AP5M1: variants seen among roughly 807,000 people sequenced by gnomAD.
The protein encoded by AP5M1 is adaptor related protein complex 5 subunit mu 1.
Under a neutral mutation model 52.3 loss-of-function variants are expected in AP5M1, and 44 were observed. The ratio of observed to expected loss-of-function variants is 0.84; its 90% confidence interval spans 0.66 to 1.08. The LOEUF (loss-of-function observed/expected upper bound fraction) is 1.08. AP5M1 is among the 50% of genes least tolerant of loss of function. The pLI, the probability that AP5M1 is intolerant of heterozygous loss-of-function variation, is 0.00. For missense variants in AP5M1, 526 were observed against 568.4 expected (o/e 0.93, Z 0.76); for synonymous variants, 213 against 199.0 (o/e 1.07, Z -0.59).
At chr14:57,273,010 C>T (rs1013619826) in intron 1 of AP5M1, among the ~76,000 whole-genome samples, 11 of 151,970 alleles carry the variant, frequency 7.2e-5, no homozygotes, top group East Asian at 5.8e-4. Flanking sequence ...CGGCTCGGCT[C>T]GGCTCATTGC....
chr14:57,276,879 A>G (rs993238806), intron 2 of AP5M1, among the ~76,000 whole-genome samples: 14 of 152,222 alleles, frequency 9.2e-5, no homozygotes, highest in African/African-American at 2.9e-4. Context: ...GGTTGTATGT[A>G]CATAGTATAA....
At position 57,274,213 on chromosome 14, in the gene AP5M1, C is replaced by T. The variant is rs775830480; in HGVS notation, c.75-31C>T. On this transcript the variant is annotated intron_variant, in intron 1 of 7. Transcript: ENST00000261558. ...TCATCTTGATTTTACTTGGAAGAAT[C>T]ATTTATAATGTTTCTGTTTCCGTAA... The T allele has an allele frequency of 3.9e-6, 6 of 1,531,624 alleles. No individual in the cohort carries two copies. In the South Asian group the frequency reaches 7.9e-5, roughly 20 times the overall value. 94.9% of individuals were successfully genotyped at this position (1,531,624 alleles called of 1,614,324 possible).
chr14:57,283,957 A>G (rs771047400), intron 6 of AP5M1, among the ~76,000 whole-genome samples: 4 of 152,246 alleles, frequency 2.6e-5, no homozygotes, highest in Non-Finnish European at 5.9e-5. Context: ...ACTGCATTCC[A>G]GCCTGGGCGA....
At chr14:57,277,932 A>C (rs1163480315) in intron 2 of AP5M1, among the ~76,000 whole-genome samples, 1 of 152,136 alleles carries the variant, frequency 6.6e-6, no homozygotes, top group African/African-American at 2.4e-5. Flanking sequence ...TGGACAGTTA[A>C]TGCGTGGTGC....
intron 1 of AP5M1, 140 bp from the exon 2 acceptor site, chr14:57,274,104 G>A (rs1452933914): frequency 1.0e-5 from 9 of 896,832 alleles, no homozygotes; most frequent in African/African-American, 3.4e-5. Context: ...GTTGGCTTTT[G>A]TGGATGTGTG....
chr14:57,277,921 G>C lies in AP5M1; in HGVS notation c.721-2274G>C, dbSNP rs1412372431. Among the ~76,000 whole-genome samples the C allele has an allele frequency of 2.0e-5, 3 of 152,120 alleles. No homozygotes were observed. In the East Asian group the frequency reaches 5.8e-4, roughly 29 times the overall value. ...GAAATGGACCAGATACCTGTAGATA[G>C]TGGACAGTTAATGCGTGGTGCAATC... On this transcript the variant is annotated intron_variant, in intron 2 of 7. Transcript: ENST00000261558.
intron 2 of AP5M1, chr14:57,275,167 G>A (rs1406294841): frequency 9.4e-6 from 4 of 426,174 alleles, no homozygotes; most frequent in South Asian, 6.7e-5. Context: ...AACTTTCAGG[G>A]TAGAATCACT....
Position 57,293,537 on chromosome 14 carries a change from A to G in AP5M1, c.*4653A>G, listed in dbSNP as rs1187306207. ...AAATATATTTTGATAGCAAGTTCCT[A>G]AACCACAGCAGAATTGCGGATCAGG... is the stretch of plus-strand genomic sequence containing the variant. On this transcript the variant is annotated 3_prime_UTR_variant, in exon 8 of 8. Coordinates refer to ENST00000261558, the MANE Select transcript of AP5M1 (RefSeq NM_018229.4). The G allele has an allele frequency of 6.6e-6, 1 of 151,720 alleles. No individual in the cohort carries two copies. Among genetic ancestry groups the G allele is most frequent in the East Asian group, 1.9e-4 (1 of 5,156 alleles). 9.4% of individuals were successfully genotyped at this position (151,720 alleles called of 1,614,324 possible). A position where few individuals can be genotyped will look rare whatever the true frequency, so the allele number is the denominator to read the frequency against.
intron 6 of AP5M1, among the ~76,000 whole-genome samples, chr14:57,285,085 T>C (rs376851121): frequency 7.2e-6 from 1 of 138,420 alleles, no homozygotes; most frequent in South Asian, 2.3e-4. Flanking sequence ...ATTGAAGGAG[T>C]GATTAGAAAG....
chr14:57,286,996 T>C (rs866295555), intron 7 of AP5M1, among the ~76,000 whole-genome samples: 1,573 of 140,506 alleles, frequency 0.011, 28 homozygotes, highest in Middle Eastern at 0.047. Context: ...CACACACACA[T>C]ACACACACAC....
intron 2 of AP5M1, among the ~76,000 whole-genome samples, chr14:57,275,682 T>C (rs1046350441): frequency 2.0e-5 from 3 of 152,224 alleles, no homozygotes; most frequent in African/African-American, 7.2e-5. Flanking sequence ...TTTTCCATTT[T>C]CTTTAGAGGG....
chr14:57,269,005 CCT>C lies in AP5M1; in HGVS notation c.-309_-308del. On this transcript the variant is annotated 5_prime_UTR_variant, in exon 1 of 8. The change abolishes the stop of an existing upstream ORF in the 5' untranslated region. Transcript: ENST00000261558. ...GCTACCGTGTATGAGGAACTTTGAT[CCT>C]TGCGGGCCACCATTCCGGAAGTAGA... 1.8e-6 allele frequency: 1 copy of C among 555,348 alleles called. No individual in the cohort carries two copies. Among genetic ancestry groups the C allele is most frequent in the Non-Finnish European group, 3.1e-6 (1 of 319,002 alleles). The allele number at this position is 555,348 out of a possible 1,614,324, so 34.4% of individuals were successfully genotyped here. A position where few individuals can be genotyped will look rare whatever the true frequency, so the allele number is the denominator to read the frequency against.
intron 1 of AP5M1, among the ~76,000 whole-genome samples, 168 bp downstream of exon 1, chr14:57,269,556 A>G (rs547835264): frequency 5.3e-5 from 8 of 152,270 alleles, no homozygotes; most frequent in Admixed American, 2.0e-4. Context: ...TAATAGTCCT[A>G]CCTTACAGTG....
Position 57,282,206 on chromosome 14 carries a change from G to T in AP5M1, c.1066G>T (p.Ala356Ser). 1 of 1,562,418 alleles carries T rather than the reference G, an allele frequency of 6.4e-7. No individual in the cohort carries two copies. Among genetic ancestry groups the T allele is most frequent in the Non-Finnish European group, 8.6e-7 (1 of 1,159,666 alleles). ...GAAAAATAATTTTGAATTCTGTGAA[G>T]CCCATATACCTTTTTACAATAGGTA... ...SVKNNFEFCE[A>S]HIPFYNRGPI... Residue 356 changes from alanine to serine, a missense_variant, in exon 4 of 8, where the codon GCC becomes TCC. Around this residue, in one of 3 missense-constraint regions of AP5M1, gnomAD observed 425 missense variants for 430.6 expected, o/e 0.99. Coordinates refer to ENST00000261558, the MANE Select transcript of AP5M1 (RefSeq NM_018229.4).
rs548748491 is a variant in AP5M1, at chr14:57,297,298, CTCCTTCACTGAT to C, written c.*8416_*8427del. On this transcript the variant is annotated 3_prime_UTR_variant, in exon 8 of 8. Transcript: ENST00000261558. ...TTTCTCCCACTGATTCCCCTCCTGC[CTCCTTCACTGAT>C]TTTGAATGTGTGCTCAATTTGCTAG... is the stretch of plus-strand genomic sequence containing the variant. The C allele has an allele frequency of 1.3e-5, 2 of 152,130 alleles. No individual in the cohort carries two copies. The highest frequency in any genetic ancestry group is 4.8e-5 in the African/African-American group (2 of 41,526). The allele number at this position is 152,130 out of a possible 1,614,324, so 9.4% of individuals were successfully genotyped here. A position where few individuals can be genotyped will look rare whatever the true frequency, so the allele number is the denominator to read the frequency against.
chr14:57,281,983 C>T (rs923290941), intron 3 of AP5M1, 106 bp from the exon 4 acceptor site: 1 of 966,500 alleles, frequency 1.0e-6, no homozygotes, highest in Admixed American at 3.6e-5. Flanking sequence ...ACCAAAACAA[C>T]TTGGAATAAT....
At chr14:57,277,674 C>T (rs928989621) in intron 2 of AP5M1, among the ~76,000 whole-genome samples, 6 of 144,838 alleles carry the variant, frequency 4.1e-5, no homozygotes, top group African/African-American at 1.7e-4. Context: ...AAAGCAGATA[C>T]ATAATGAATT....
intron 7 of AP5M1, among the ~76,000 whole-genome samples, chr14:57,287,607 A>G (rs1376281037): frequency 6.6e-6 from 1 of 152,134 alleles, no homozygotes; most frequent in Admixed American, 6.6e-5. Context: ...CTGCTTCTTA[A>G]TACAAAATAT....
chr14:57,285,245 A>G (rs1231615432), intron 6 of AP5M1, among the ~76,000 whole-genome samples: 1 of 152,324 alleles, frequency 6.6e-6, no homozygotes, highest in Non-Finnish European at 1.5e-5. Flanking sequence ...TTCAAGGATT[A>G]TTATAAAAAT....
Sources: allele counts gnomAD v4.1 joint callset (sites outside exome capture counted in the v4.1 genomes callset), GRCh38; gene constraint gnomAD v4.1.1; regional missense constraint gnomAD v4.1.1; transcripts MANE v1.5; gene names NCBI Gene and HGNC (gene_info 2026-07-23, HGNC 2026-07-21).